LINGO2: variants seen among roughly 807,000 people sequenced by gnomAD.
The protein encoded by LINGO2 is leucine rich repeat and Ig domain containing 2, also known as leucine-rich repeat and immunoglobulin-like domain-containing nogo receptor-interacting protein 2.
LINGO2 carries 14 observed loss-of-function variants against 30.6 expected under a neutral mutation model. The observed-to-expected ratio is 0.46, with a 90% CI of 0.30 to 0.72. LINGO2 has a LOEUF of 0.72. Among genes scored for constraint, LINGO2 ranks in the 30% least tolerant of loss-of-function variants. LINGO2 has a pLI of 0.07. For synonymous variants in LINGO2, 317 were observed against 288.5 expected (o/e 1.10, Z -1.00); for missense variants, 729 against 751.7 (o/e 0.97, Z 0.35).
At chr9:28,501,006 T>C (rs1258650981) in intron 1 of LINGO2, among the ~76,000 whole-genome samples, 2 of 152,072 alleles carry the variant, frequency 1.3e-5, no homozygotes, top group Non-Finnish European at 2.9e-5. Flanking sequence ...ATGTAAGTAG[T>C]AGAGAAAAAT....
chr9:28,456,841 G>A (rs1824870203), intron 2 of LINGO2, among the ~76,000 whole-genome samples: 1 of 152,154 alleles, frequency 6.6e-6, no homozygotes, highest in Admixed American at 6.5e-5. Context: ...AAGATCACTG[G>A]TCCTGCTAAA....
the LINGO2 span, among the ~76,000 whole-genome samples, chr9:28,790,640 A>T: frequency 6.6e-6 from 1 of 151,810 alleles, no homozygotes; most frequent in Non-Finnish European, 1.5e-5. Flanking sequence ...GGCCTACTTT[A>T]CGCATCTTAT....
the LINGO2 span, among the ~76,000 whole-genome samples, chr9:29,131,650 C>A: frequency 6.6e-6 from 1 of 152,072 alleles, no homozygotes; most frequent in Non-Finnish European, 1.5e-5. Context: ...CATTTTGTAT[C>A]AAGAGAAGCT....
At chr9:28,684,006 CT>C in the LINGO2 span, among the ~76,000 whole-genome samples, 1 of 151,740 alleles carries the variant, frequency 6.6e-6, no homozygotes, top group Non-Finnish European at 1.5e-5. Flanking sequence ...TAAATCAAAA[CT>C]TTTTTTGTGA....
intron 4 of LINGO2, among the ~76,000 whole-genome samples, chr9:28,236,923 T>C (rs898092904): frequency 5.3e-5 from 8 of 152,132 alleles, no homozygotes; most frequent in African/African-American, 1.9e-4. Context: ...AGGACAATAC[T>C]TTAGGGGTTG....
chr9:27,979,676 T>C lies in LINGO2; in HGVS notation c.-35-28970A>G, dbSNP rs116750663. 6.8e-3 allele frequency among the ~76,000 whole-genome samples: 1,036 copies of C among 152,066 alleles called. 14 individuals are homozygous for C. The highest frequency in any genetic ancestry group is 0.024 in the African/African-American group (984 of 41,516). Reference sequence around the variant, plus strand: ...CATAAAGTAGAATCCTATATTTACTTCCCCTATAGTTCACCCCTGCAATGT... The same window carrying C: ...CATAAAGTAGAATCCTATATTTACTCCCCCTATAGTTCACCCCTGCAATGT... On this transcript the variant is annotated intron_variant, in intron 5 of 5. Coordinates refer to ENST00000379992, the Ensembl canonical transcript of LINGO2.
intron 4 of LINGO2, among the ~76,000 whole-genome samples, chr9:28,176,621 T>A (rs568471004): frequency 6.6e-6 from 1 of 152,320 alleles, no homozygotes; most frequent in Admixed American, 6.5e-5. Context: ...ACATATATTC[T>A]TTCACCTAAT....
intron 1 of LINGO2, among the ~76,000 whole-genome samples, chr9:28,536,223 A>G (rs1419614614): frequency 6.6e-6 from 1 of 152,090 alleles, no homozygotes; most frequent in African/African-American, 2.4e-5. Flanking sequence ...TAGAGATAAG[A>G]TATCAAATTT....
chr9:28,638,490 T>C (rs751755796), intron 1 of LINGO2, among the ~76,000 whole-genome samples: 3 of 152,184 alleles, frequency 2.0e-5, no homozygotes, highest in Non-Finnish European at 4.4e-5. Context: ...ATTGCCACAA[T>C]TTCAGAGCCT....
the LINGO2 span, among the ~76,000 whole-genome samples, chr9:28,928,827 T>C: frequency 6.6e-6 from 1 of 152,058 alleles, no homozygotes; most frequent in African/African-American, 2.4e-5. Flanking sequence ...GGGTAGTGAG[T>C]TCTAGGCAGC....
At chr9:28,788,624 A>G in the LINGO2 span, among the ~76,000 whole-genome samples, 17 of 152,172 alleles carry the variant, frequency 1.1e-4, no homozygotes, top group African/African-American at 3.9e-4. Context: ...CAGGAAACTT[A>G]CAATCATGGT....
chr9:28,909,512 G>C, the LINGO2 span, among the ~76,000 whole-genome samples: 2 of 151,904 alleles, frequency 1.3e-5, no homozygotes, highest in Admixed American at 6.6e-5. Context: ...GCCTACATTT[G>C]CAAAGAACAA....
chr9:29,002,196 T>A, the LINGO2 span, among the ~76,000 whole-genome samples: 1 of 152,058 alleles, frequency 6.6e-6, no homozygotes, highest in African/African-American at 2.4e-5. Flanking sequence ...TCCTCCAATA[T>A]CTTCATTACT....
intron 1 of LINGO2, among the ~76,000 whole-genome samples, chr9:28,561,162 T>G (rs1036375234): frequency 2.0e-5 from 3 of 152,044 alleles, no homozygotes; most frequent in Admixed American, 2.0e-4. Flanking sequence ...CTCCTACCAC[T>G]AATTTTCTCT....
At chr9:28,906,646 T>C in the LINGO2 span, among the ~76,000 whole-genome samples, 1 of 151,914 alleles carries the variant, frequency 6.6e-6, no homozygotes, top group Non-Finnish European at 1.5e-5. Context: ...ATATAACATC[T>C]ACCAGAGAAT....
the LINGO2 span, among the ~76,000 whole-genome samples, chr9:29,112,093 A>G: frequency 2.6e-5 from 4 of 151,824 alleles, no homozygotes; most frequent in African/African-American, 9.7e-5. Context: ...TTTAGAACTT[A>G]TATCTGAATT....
intron 4 of LINGO2, among the ~76,000 whole-genome samples, chr9:28,020,949 A>G (rs1029593233): frequency 6.6e-6 from 1 of 152,150 alleles, no homozygotes; most frequent in African/African-American, 2.4e-5. Context: ...TAGCCTGGCT[A>G]AAGATTTATC....
At chr9:28,261,401 A>G (rs1019494511) in intron 4 of LINGO2, among the ~76,000 whole-genome samples, 6 of 151,940 alleles carry the variant, frequency 3.9e-5, no homozygotes, top group African/African-American at 1.4e-4. Context: ...CATTGTATTC[A>G]AAACAATATT....
chr9:28,684,942 T>G, the LINGO2 span, among the ~76,000 whole-genome samples: 2 of 152,116 alleles, frequency 1.3e-5, no homozygotes, highest in Non-Finnish European at 2.9e-5. Flanking sequence ...GGAATATGCA[T>G]AACACGTGAT....
Sources: allele counts gnomAD v4.1 joint callset (sites outside exome capture counted in the v4.1 genomes callset), GRCh38; gene constraint gnomAD v4.1.1; transcripts MANE v1.5; gene names NCBI Gene and HGNC (gene_info 2026-07-23, HGNC 2026-07-21).